Variants in FRY observed in about 807,000 individuals in gnomAD.
FRY encodes FRY microtubule binding protein, also known as protein furry homolog.
A neutral mutation model predicts 348.4 loss-of-function variants in FRY; 128 were observed. The ratio of observed to expected loss-of-function variants is 0.37; its 90% CI spans 0.32 to 0.43. The LOEUF (loss-of-function observed/expected upper bound fraction) is 0.43, where lower values mean the gene tolerates loss of function less well. FRY is among the 20% of genes least tolerant of loss of function. The pLI is 1.00. For missense variants in FRY, 2,736 were observed against 3,695.2 expected (o/e 0.74, Z 6.73); for synonymous variants, 1,370 against 1,374.7 (o/e 1.00, Z 0.08).
chr13:32,273,830 T>TAG (rs916803066), intron 55 of FRY, among the ~76,000 whole-genome samples: 10 of 152,322 alleles, frequency 6.6e-5, no homozygotes, highest in African/African-American at 2.4e-4. Context: ...ACTCAGACTC[T>TAG]GACTGGCACT....
At chr13:32,032,094 G>C (rs1290608886) in intron 1 of FRY, among the ~76,000 whole-genome samples, 3 of 150,202 alleles carry the variant, frequency 2.0e-5, no homozygotes, top group Non-Finnish European at 2.9e-5. Context: ...GACTGAACTA[G>C]CTTTCCTTAA....
rs1400408611 is a variant in FRY, at chr13:32,274,745, G to A, written c.8137-97G>A. ...AAAAAAAAAATCAGTTAATGTAATT[G>A]GAATATAAAAAAAGAAGCTACCCCT... On this transcript the variant is annotated intron_variant, in intron 55 of 60. Transcript: ENST00000542859. The A allele has an allele frequency of 7.9e-5, 57 of 717,670 alleles. No individual in the cohort carries two copies. In the South Asian group the frequency reaches 8.5e-4, roughly 11 times the overall value. The allele number at this position is 717,670 out of a possible 1,614,324, so 44.5% of individuals were successfully genotyped here.
chr13:32,067,795 C>CT (rs1874356043), intron 1 of FRY, among the ~76,000 whole-genome samples: 1 of 152,192 alleles, frequency 6.6e-6, no homozygotes, highest in Non-Finnish European at 1.5e-5. Context: ...ACCTTGGACT[C>CT]TGAGTTCAGT....
intron 1 of FRY, among the ~76,000 whole-genome samples, chr13:32,069,734 T>G (rs568124068): frequency 6.6e-6 from 1 of 152,352 alleles, no homozygotes; most frequent in African/African-American, 2.4e-5. Context: ...TTTATTATAC[T>G]TTAAGTTCTA....
At chr13:32,287,728 T>A (rs1889147262) in intron 58 of FRY, 1 of 218,496 alleles carries the variant, frequency 4.6e-6, no homozygotes, top group Non-Finnish European at 1.0e-5. Flanking sequence ...TTTGCAACAT[T>A]TATCAAGTTT....
intron 54 of FRY, 72 bp from the exon 55 acceptor site, chr13:32,267,098 G>A (rs1887960489): frequency 3.6e-6 from 5 of 1,398,400 alleles, no homozygotes; most frequent in Admixed American, 1.7e-5. Flanking sequence ...CTCTCAGGGT[G>A]AGAATTTATA....
chr13:32,077,115 A>T (rs537570400), intron 1 of FRY, among the ~76,000 whole-genome samples: 1 of 152,136 alleles, frequency 6.6e-6, no homozygotes, highest in Non-Finnish European at 1.5e-5. Context: ...AGAAGGAAGA[A>T]TAAGTGAAGC....
At position 32,053,453 on chromosome 13, in the gene FRY, G is replaced by A. The variant is rs1419830745; in HGVS notation, c.70+21588G>A. 2.0e-5 allele frequency among the ~76,000 whole-genome samples: 3 copies of A among 152,158 alleles called. No homozygotes were observed. The East Asian group carries it at 5.8e-4, about 29-fold the overall frequency. On this transcript the variant is annotated intron_variant, in intron 1 of 60. Coordinates refer to ENST00000542859, the MANE Select transcript of FRY (RefSeq NM_023037.3). ...AAGAATGTATAGATACTATTAAAAT[G>A]CTGCAGGACAATTGCTGTTTCTTTA...
At position 32,244,117 on chromosome 13, in the gene FRY, C is replaced by T. The variant is rs1419505849; in HGVS notation, c.6763C>T (p.Leu2255Phe). 1 of 1,613,632 alleles carries T rather than the reference C, an allele frequency of 6.2e-7. No homozygotes were observed. The highest frequency in any genetic ancestry group is 8.5e-7 in the Non-Finnish European group (1 of 1,179,676). ...VIYSLLSYMD[L>F]SVVPVKQFNV... ...CTACAGTCTTCTCAGCTACATGGAC[C>T]TTTCTGTCGTTCCTGTCAAACAGTT... Residue 2255 changes from leucine (L) to phenylalanine (F), a missense_variant, in exon 47 of 61, where the codon CTT becomes TTT. Leu to Phe is a conservative substitution (Grantham distance 22, BLOSUM62 0). Coordinates refer to ENST00000542859, the MANE Select transcript of FRY (RefSeq NM_023037.3).
intron 17 of FRY, among the ~76,000 whole-genome samples, chr13:32,169,032 G>A (rs572475261): frequency 2.6e-5 from 4 of 152,324 alleles, no homozygotes; most frequent in Admixed American, 1.3e-4. Context: ...ATGTTGTCTT[G>A]TATTTGTTGG....
intron 59 of FRY, among the ~76,000 whole-genome samples, chr13:32,290,479 C>A (rs573896768): frequency 6.6e-6 from 1 of 152,020 alleles, no homozygotes; most frequent in South Asian, 2.1e-4. Context: ...AGAGCATGGC[C>A]ATAAGCCTGA....
At chr13:32,116,078 G>A (rs898987281) in intron 3 of FRY, among the ~76,000 whole-genome samples, 3 of 152,046 alleles carry the variant, frequency 2.0e-5, no homozygotes, top group South Asian at 2.1e-4. Context: ...GGACATTTAT[G>A]TTGTTTCCAT....
chr13:32,131,810 G>A lies in FRY; in HGVS notation c.855G>A (p.Glu285=). The part of the protein sequence containing the change: ...KFFRIKMYPV[E]DFEASLQFMQ... ...TTCGAATTAAGATGTATCCAGTGGA[G>A]GATTTTGAGGCCTCTCTTCAGTTTA... The change falls in exon 8 of 61, where the codon GAG becomes GAA. Residue 285 remains glutamate (E), a synonymous_variant. Coordinates refer to ENST00000542859, the MANE Select transcript of FRY (RefSeq NM_023037.3). The A allele has an allele frequency of 6.2e-7, 1 of 1,613,892 alleles. No homozygotes were observed. Among genetic ancestry groups the A allele is most frequent in the Non-Finnish European group, 8.5e-7 (1 of 1,179,780 alleles).
At chr13:32,135,753 G>A (rs999011167) in intron 10 of FRY, among the ~76,000 whole-genome samples, 1 of 152,260 alleles carries the variant, frequency 6.6e-6, no homozygotes, top group South Asian at 2.1e-4. Flanking sequence ...TTTATGAATC[G>A]GCGAGTGATG....
chr13:32,090,012 T>C (rs1320574714), intron 2 of FRY, among the ~76,000 whole-genome samples: 1 of 151,824 alleles, frequency 6.6e-6, no homozygotes, highest in African/African-American at 2.4e-5. Flanking sequence ...AGACAGGAAG[T>C]GTAGACCACC....
rs774484171 is a variant in FRY, at chr13:32,225,966, T to C, written c.5198T>C (p.Leu1733Pro). The change falls in exon 39 of 61, where the codon CTC (leucine) becomes CCC (proline). Residue 1733 changes from leucine (L) to proline (P), a missense_variant. Leu to Pro is a moderately conservative substitution (Grantham distance 98). Coordinates refer to ENST00000542859, the MANE Select transcript of FRY (RefSeq NM_023037.3). ...CAGCCAGCCTACCAACCTGAATATC[T>C]CTATACAGGTAACAGAGAAGGACTG... is the stretch of plus-strand genomic sequence containing the variant. ...TVQPAYQPEY[L>P]YTGGFDFLRE... 6.2e-7 allele frequency: 1 copy of C among 1,612,558 alleles called. No individual in the cohort carries two copies. The highest frequency in any genetic ancestry group is 2.2e-5 in the East Asian group (1 of 44,872).
chr13:32,203,303 T>C (rs1180072528), intron 31 of FRY, among the ~76,000 whole-genome samples: 1 of 152,214 alleles, frequency 6.6e-6, no homozygotes, highest in Non-Finnish European at 1.5e-5. Context: ...TGTAAGTTGT[T>C]GAAAGTTTGA....
Position 32,136,906 on chromosome 13 carries a change from C to A in FRY, c.1113C>A (p.Val371=), listed in dbSNP as rs1879759244. Residue 371 remains valine (V), a synonymous_variant, in exon 11 of 61, where the codon GTC becomes GTA. Coordinates refer to ENST00000542859, the MANE Select transcript of FRY (RefSeq NM_023037.3). The stretch of plus-strand genomic sequence containing the variant: ...CCCTGGTGACCTGTTTGCTCTGTGT[C>A]AGTCAGAAGCAGCTGTTCCTGAACA... The part of the protein sequence containing the change: ...LYPLVTCLLC[V]SQKQLFLNRW... 1.2e-6 allele frequency: 2 copies of A among 1,609,856 alleles called. No individual in the cohort carries two copies. Among genetic ancestry groups the A allele is most frequent in the Non-Finnish European group, 1.7e-6 (2 of 1,176,124 alleles).
chr13:32,161,374 G>A, intron 17 of FRY, 123 bp downstream of exon 17: 1 of 739,100 alleles, frequency 1.4e-6, no homozygotes, highest in Non-Finnish European at 2.4e-6. Flanking sequence ...GGTATGGGCA[G>A]GAAAAAACAA....
Sources: gnomAD v4.1 joint callset for allele counts (sites outside exome capture counted in the v4.1 genomes callset) on GRCh38, gnomAD v4.1.1 for gene constraint, MANE v1.5 for transcripts, NCBI Gene and HGNC (gene_info 2026-07-23, HGNC 2026-07-21) for gene names.